TERB1: variants seen among roughly 807,000 people sequenced by gnomAD.
TERB1 encodes the protein telomere repeats-binding bouquet formation protein 1.
TERB1 carries 63 observed loss-of-function variants against 92.3 expected under a neutral mutation model. That is an observed-to-expected ratio of 0.68 (90% CI 0.56 to 0.84). TERB1 has a LOEUF of 0.84. Ranked by LOEUF, TERB1 falls within the 40% of genes least tolerant of loss-of-function variation. The probability of loss-of-function intolerance (pLI) is 0.00; values close to 1 mark genes in which losing one functional copy is unlikely to be tolerated. For synonymous variants in TERB1, 252 were observed against 283.9 expected (o/e 0.89, Z 1.13); for missense variants, 709 against 843.7 (o/e 0.84, Z 1.98).
At chr16:66,770,964 C>T (rs1053263964) in intron 13 of TERB1, among the ~76,000 whole-genome samples, 4 of 152,120 alleles carry the variant, frequency 2.6e-5, no homozygotes, top group Admixed American at 2.0e-4. Context: ...AATCCTCCCA[C>T]CTCACCCTCC....
At chr16:66,780,687 T>C (rs2018621451) in intron 9 of TERB1, among the ~76,000 whole-genome samples, 1 of 152,214 alleles carries the variant, frequency 6.6e-6, no homozygotes, top group African/African-American at 2.4e-5. Context: ...AAGAACATCC[T>C]AGACCACATT....
rs1279940903 is a variant in TERB1, at chr16:66,755,021, G to C, written c.2139C>G (p.His713Gln). The C allele has an allele frequency of 1.3e-6, 2 of 1,551,496 alleles. No individual in the cohort carries two copies. The highest frequency in any genetic ancestry group is 2.4e-5 in the East Asian group (1 of 40,906). The change falls in exon 19 of 19, where the codon CAC becomes CAG. Residue 713 changes from histidine (H) to glutamine (Q), a missense_variant. His to Gln is a conservative substitution (Grantham distance 24, BLOSUM62 0). Coordinates refer to ENST00000433154, the MANE Select transcript of TERB1 (RefSeq NM_001136505.2). ...GGTGTTTGGTCAGCTTGTGGTATTTGTGAGCAAGGTCCACAGCCTTCCGTC... is the reference window on the plus strand; with the variant it reads ...GGTGTTTGGTCAGCTTGTGGTATTTCTGAGCAAGGTCCACAGCCTTCCGTC... ...QQGRKAVDLA[H>Q]KYHKLTKHPT...
rs951933228 is a variant in TERB1, at chr16:66,794,921, A to C, written c.31+1847T>G. On this transcript the variant is annotated intron_variant, in intron 3 of 18. Transcript: ENST00000433154. ...TGAGACTCCGTCTCAAAAAAAAAAA[A>C]AACACACACACACACACACACACAC... Among the ~76,000 whole-genome samples the C allele has an allele frequency of 6.2e-4, 84 of 136,174 alleles. 2 individuals are homozygous for C. Among genetic ancestry groups the C allele is most frequent in the Admixed American group, 5.9e-3 (81 of 13,668 alleles). 89.3% of individuals were successfully genotyped at this position (136,174 alleles called of 152,430 possible).
At chr16:66,796,703 A>T in intron 3 of TERB1, 65 bp downstream of exon 3, 1 of 1,098,836 alleles carries the variant, frequency 9.1e-7, no homozygotes, top group South Asian at 1.4e-5. Flanking sequence ...ATCCTGTCAG[A>T]TAATCTACAG....
At position 66,789,324 on chromosome 16, in the gene TERB1, C is replaced by T. The variant is rs1368019553; in HGVS notation, c.272-1027G>A. 5.7e-5 allele frequency among the ~76,000 whole-genome samples: 6 copies of T among 104,536 alleles called. 2 individuals are homozygous for T. The highest frequency in any genetic ancestry group is 2.7e-4 in the African/African-American group (6 of 22,244). 68.6% of individuals were successfully genotyped at this position (104,536 alleles called of 152,430 possible). A position where few individuals can be genotyped will look rare whatever the true frequency, so the allele number is the denominator to read the frequency against. The stretch of plus-strand genomic sequence containing the variant: ...ATTCGGCCGGGCGCGGTGGCTCACG[C>T]CTGTAATCCCAGCACTTTGGGAGGC... On this transcript the variant is annotated intron_variant, in intron 5 of 18. Coordinates refer to ENST00000433154, the MANE Select transcript of TERB1 (RefSeq NM_001136505.2).
Position 66,776,734 on chromosome 16 carries a change from G to A in TERB1, c.985+469C>T, listed in dbSNP as rs142873636. On this transcript the variant is annotated intron_variant, in intron 11 of 18. Transcript: ENST00000433154. The stretch of plus-strand genomic sequence containing the variant: ...GAGAGGAGGAGGAAAATAAAAGGGG[G>A]AGAAGAAAGAGAAAAGAGAGAGGAG... Among the ~76,000 whole-genome samples the A allele has an allele frequency of 2.6e-3, 391 of 152,030 alleles. 2 individuals carry two copies. Among genetic ancestry groups the A allele is most frequent in the Non-Finnish European group, 3.8e-3 (257 of 67,982 alleles).
In TERB1 at chr16:66,785,780, A is replaced by C; in HGVS notation, c.700+6T>G. 6.6e-7 allele frequency: 1 copy of C among 1,523,072 alleles called. No individual in the cohort carries two copies. The highest frequency in any genetic ancestry group is 8.8e-7 in the Non-Finnish European group (1 of 1,133,170). 94.3% of individuals were successfully genotyped at this position (1,523,072 alleles called of 1,614,324 possible). A position where few individuals can be genotyped will look rare whatever the true frequency, so the allele number is the denominator to read the frequency against. On this transcript the variant is annotated splice_donor_region_variant and intron_variant, in intron 9 of 18. Transcript: ENST00000433154. ...AACTATGACCTAGAAAATAACGAACACTTACTGTTATTTGCAAGAGTGAGT... is the reference window on the plus strand; with the variant it reads ...AACTATGACCTAGAAAATAACGAACCCTTACTGTTATTTGCAAGAGTGAGT...
chr16:66,762,743 G>C (rs1433507245), intron 16 of TERB1, among the ~76,000 whole-genome samples: 2 of 151,366 alleles, frequency 1.3e-5, no homozygotes, highest in African/African-American at 4.9e-5. Flanking sequence ...GAGTGCAGTG[G>C]CATGATCTCA....
rs1959299342 is a variant in TERB1 at position 66,801,485 on chromosome 16, T to TA, written c.-128dup. The TA allele has an allele frequency of 6.6e-6, 1 of 152,274 alleles. No individual in the cohort carries two copies. The highest frequency in any genetic ancestry group is 6.5e-5 in the Admixed American group (1 of 15,280). The allele number at this position is 152,274 out of a possible 1,614,324, so 9.4% of individuals were successfully genotyped here. ...CAACATACAGAGTTTCCAAGCGCGGTAAGGCAGGACAACAACGCGCGGGAG... is the reference window on the plus strand; with the variant it reads ...CAACATACAGAGTTTCCAAGCGCGGTAAAGGCAGGACAACAACGCGCGGGAG... On this transcript the variant is annotated 5_prime_UTR_variant, in exon 1 of 19. It introduces an in-frame stop codon into an upstream open reading frame of the 5' UTR. Transcript: ENST00000433154.
At chr16:66,755,313 C>T in intron 18 of TERB1, 150 bp from the exon 19 acceptor site, 1 of 602,508 alleles carries the variant, frequency 1.7e-6, no homozygotes, top group Non-Finnish European at 2.9e-6. Context: ...TGGAAACCCA[C>T]TTCAATTTTA....
intron 15 of TERB1, 85 bp from the exon 16 acceptor site, chr16:66,767,595 A>G (rs950808018): frequency 2.9e-6 from 2 of 686,452 alleles, no homozygotes; most frequent in Admixed American, 6.4e-5. Context: ...CAAGCTTTTC[A>G]TAAACCTTAG....
chr16:66,759,776 C>T (rs541005298), intron 16 of TERB1, among the ~76,000 whole-genome samples: 1,644 of 118,102 alleles, frequency 0.014, 31 homozygotes, highest in South Asian at 0.081. Context: ...CCAGCCTGGG[C>T]GACAGAGCAA....
At chr16:66,796,525 AT>A (rs1355159109) in intron 3 of TERB1, among the ~76,000 whole-genome samples, 1 of 152,180 alleles carries the variant, frequency 6.6e-6, no homozygotes, top group African/African-American at 2.4e-5. Flanking sequence ...TCAGGTTCCC[AT>A]TATTCTTGTA....
intron 15 of TERB1, 112 bp downstream of exon 15, chr16:66,767,992 T>A: frequency 1.2e-6 from 1 of 827,990 alleles, no homozygotes; most frequent in South Asian, 1.5e-5. Context: ...CCTCCCAAAG[T>A]GCTGGGATTA....
At chr16:66,781,996 T>C (rs2018646054) in intron 9 of TERB1, among the ~76,000 whole-genome samples, 1 of 152,210 alleles carries the variant, frequency 6.6e-6, no homozygotes, top group South Asian at 2.1e-4. Context: ...ACCCCCAAGG[T>C]GTGAGAATCT....
intron 9 of TERB1, among the ~76,000 whole-genome samples, chr16:66,782,022 G>A (rs545035110): frequency 1.8e-4 from 27 of 151,972 alleles, no homozygotes; most frequent in African/African-American, 6.5e-4. Context: ...TTTTGTTAAC[G>A]TTTTATATTT....
intron 10 of TERB1, among the ~76,000 whole-genome samples, chr16:66,777,920 A>G (rs1421878998): frequency 8.5e-5 from 13 of 152,236 alleles, no homozygotes; most frequent in Non-Finnish European, 1.9e-4. Context: ...TAACAATACT[A>G]ATATCAACAA....
chr16:66,763,355 G>C (rs947277215), intron 16 of TERB1, among the ~76,000 whole-genome samples: 3 of 152,012 alleles, frequency 2.0e-5, no homozygotes, highest in African/African-American at 7.2e-5. Flanking sequence ...GAAGATACTA[G>C]GTCATTTGTA....
intron 16 of TERB1, 76 bp from the exon 17 acceptor site, chr16:66,759,366 A>T: frequency 8.3e-7 from 1 of 1,198,364 alleles, no homozygotes; most frequent in Non-Finnish European, 1.1e-6. Context: ...GCAAATATCT[A>T]TATGATGGTA....
Sources: allele counts gnomAD v4.1 joint callset (sites outside exome capture counted in the v4.1 genomes callset), GRCh38; gene constraint gnomAD v4.1.1; transcripts MANE v1.5; gene names NCBI Gene and HGNC (gene_info 2026-07-23, HGNC 2026-07-21).